Variants in SDK1 observed in about 807,000 individuals in gnomAD.
The protein encoded by SDK1 is protein sidekick-1.
SDK1 carries 157 observed loss-of-function variants against 245.5 expected under a neutral mutation model. The ratio of observed to expected loss-of-function variants is 0.64; its 90% CI spans 0.56 to 0.73. The LOEUF (loss-of-function observed/expected upper bound fraction) is 0.73, where lower values mean the gene tolerates loss of function less well. SDK1 is among the 30% of genes least tolerant of loss of function. SDK1 has a pLI of 0.00. For synonymous variants in SDK1, 1,647 were observed against 1,278.5 expected (o/e 1.29, Z -6.15); for missense variants, 3,583 against 3,002.3 (o/e 1.19, Z -4.52).
At chr7:3,947,967 A>G (rs1400053677) in intron 5 of SDK1, among the ~76,000 whole-genome samples, 5 of 152,118 alleles carry the variant, frequency 3.3e-5, no homozygotes, top group Admixed American at 3.3e-4. Flanking sequence ...GCCTCTCTGT[A>G]ATGTTCTTTT....
intron 36 of SDK1, among the ~76,000 whole-genome samples, chr7:4,207,704 G>A (rs916338807): frequency 1.2e-4 from 19 of 152,072 alleles, no homozygotes; most frequent in African/African-American, 4.6e-4. Context: ...CCAGAAGATG[G>A]GGGAGAGGGA....
chr7:3,726,041 C>T (rs559517428), intron 4 of SDK1, among the ~76,000 whole-genome samples: 58 of 152,284 alleles, frequency 3.8e-4, no homozygotes, highest in African/African-American at 1.3e-3. Flanking sequence ...GCTAAGTGTG[C>T]TTGAAGCAAT....
intron 4 of SDK1, among the ~76,000 whole-genome samples, chr7:3,785,653 A>G (rs1364662299): frequency 6.6e-6 from 1 of 152,146 alleles, no homozygotes; most frequent in East Asian, 1.9e-4. Context: ...GGAAAGGGGG[A>G]AGAAATTTGA....
rs140805483 is a variant in SDK1 at position 4,223,743 on chromosome 7, A to G, written c.5827+2379A>G. Among the ~76,000 whole-genome samples, 877 of 152,312 alleles carry G rather than the reference A, an allele frequency of 5.8e-3. 3 individuals are homozygous for G. Among genetic ancestry groups the G allele is most frequent in the African/African-American group, 0.02 (821 of 41,566 alleles). The stretch of plus-strand genomic sequence containing the variant: ...GTATTGGGGGTTCGGACTTCAACGT[A>G]TGAATTTGCAGTGGGGGGCAGAGAC... On this transcript the variant is annotated intron_variant, in intron 40 of 44. Transcript: ENST00000404826.
In SDK1 at chr7:3,547,294, T is replaced by C. The variant is rs140123700; in HGVS notation, c.299-71786T>C. 5.5e-3 allele frequency among the ~76,000 whole-genome samples: 832 copies of C among 152,292 alleles called. 5 individuals are homozygous for C. Among genetic ancestry groups the C allele is most frequent in the African/African-American group, 0.019 (803 of 41,564 alleles). On this transcript the variant is annotated intron_variant, in intron 1 of 44. Coordinates refer to ENST00000404826, the MANE Select transcript of SDK1 (RefSeq NM_152744.4). The stretch of plus-strand genomic sequence containing the variant: ...TCATAATTATTATAATTGATCTGAA[T>C]AAAAATATGAACTAACTGTATTGGT...
At chr7:4,047,555 G>A (rs927027160) in intron 17 of SDK1, among the ~76,000 whole-genome samples, 4 of 152,274 alleles carry the variant, frequency 2.6e-5, no homozygotes, top group African/African-American at 9.6e-5. Context: ...TGAAATATGC[G>A]TAGTTCTTAC....
intron 1 of SDK1, among the ~76,000 whole-genome samples, chr7:3,444,231 C>G (rs1005028743): frequency 2.0e-5 from 3 of 152,114 alleles, no homozygotes; most frequent in African/African-American, 7.2e-5. Context: ...TGGGTGGTCT[C>G]CCTGGCAGTG....
At chr7:3,637,055 G>C (rs1292162512) in intron 2 of SDK1, among the ~76,000 whole-genome samples, 1 of 23,160 alleles carries the variant, frequency 4.3e-5, no homozygotes, top group African/African-American at 1.6e-4. Flanking sequence ...TCCTGATGCA[G>C]AGAGAGAGAG....
intron 1 of SDK1, among the ~76,000 whole-genome samples, chr7:3,449,282 C>T (rs1780440583): frequency 1.3e-5 from 2 of 151,590 alleles, no homozygotes; most frequent in Non-Finnish European, 2.9e-5. Context: ...CCTTTATGCC[C>T]TGCACAGAGC....
At chr7:4,081,326 G>A (rs979642583) in intron 22 of SDK1, among the ~76,000 whole-genome samples, 1 of 152,170 alleles carries the variant, frequency 6.6e-6, no homozygotes, top group South Asian at 2.1e-4. Context: ...TTGCATTTCA[G>A]CTCATCTGGG....
intron 1 of SDK1, among the ~76,000 whole-genome samples, chr7:3,476,914 C>T (rs888307831): frequency 1.3e-5 from 2 of 152,080 alleles, no homozygotes; most frequent in African/African-American, 4.8e-5. Context: ...AGAGGAACTC[C>T]TCTAACTGGT....
chr7:4,002,144 G>A (rs573481321), intron 14 of SDK1, among the ~76,000 whole-genome samples: 28 of 152,206 alleles, frequency 1.8e-4, no homozygotes, highest in Admixed American at 3.9e-4. Flanking sequence ...TTTGCATAAC[G>A]AGTTATTATC....
At chr7:4,152,966 A>G (rs1033340293) in intron 30 of SDK1, among the ~76,000 whole-genome samples, 7 of 152,144 alleles carry the variant, frequency 4.6e-5, no homozygotes, top group Non-Finnish European at 1.5e-5. Flanking sequence ...ACCCACAGAA[A>G]TGCAGTAGAG....
intron 4 of SDK1, among the ~76,000 whole-genome samples, chr7:3,650,350 C>T (rs971753771): frequency 1.3e-4 from 20 of 152,340 alleles, no homozygotes; most frequent in African/African-American, 3.8e-4. Flanking sequence ...TTAAACATAA[C>T]TCCCCACTCC....
intron 1 of SDK1, among the ~76,000 whole-genome samples, chr7:3,554,895 A>G (rs1324480458): frequency 6.6e-6 from 1 of 152,196 alleles, no homozygotes; most frequent in African/African-American, 2.4e-5. Context: ...AAATCCCTGT[A>G]AGGAAAACTA....
rs1788488593 is a variant in SDK1 at position 4,266,627 on chromosome 7, A to G, written c.*1243A>G. The G allele has an allele frequency of 3.0e-6, 3 of 985,352 alleles. No homozygotes were observed. The South Asian group carries it at 1.4e-4, about 46-fold the overall frequency. 61.0% of individuals were successfully genotyped at this position (985,352 alleles called of 1,614,324 possible). On this transcript the variant is annotated 3_prime_UTR_variant, in exon 45 of 45. Transcript: ENST00000404826. Reference sequence around the variant, plus strand: ...GGTTTAAATTTTTCAGCTAGATGAAAAGAGTATGAACTACTTTGGAAAACT... The same window carrying G: ...GGTTTAAATTTTTCAGCTAGATGAAGAGAGTATGAACTACTTTGGAAAACT...
chr7:3,305,091 C>G (rs1451127468), intron 1 of SDK1, among the ~76,000 whole-genome samples: 1 of 152,312 alleles, frequency 6.6e-6, no homozygotes, highest in African/African-American at 2.4e-5. Flanking sequence ...CCTGTGTTCA[C>G]TTACACCTGT....
intron 1 of SDK1, among the ~76,000 whole-genome samples, chr7:3,536,241 T>C (rs1374238034): frequency 7.8e-6 from 1 of 128,844 alleles, no homozygotes; most frequent in Non-Finnish European, 1.7e-5. Flanking sequence ...TTTGTGTGTG[T>C]GTTTTTACTA....
intron 1 of SDK1, among the ~76,000 whole-genome samples, chr7:3,350,793 C>G (rs2128557793): frequency 6.6e-6 from 1 of 151,924 alleles, no homozygotes; most frequent in East Asian, 1.9e-4. Flanking sequence ...ATTTATCTTG[C>G]AGTATGATAG....
Sources: gnomAD v4.1 joint callset for allele counts (sites outside exome capture counted in the v4.1 genomes callset) on GRCh38, gnomAD v4.1.1 for gene constraint, MANE v1.5 for transcripts, NCBI Gene and HGNC (gene_info 2026-07-23, HGNC 2026-07-21) for gene names.